STPG4: variants seen among roughly 807,000 people sequenced by gnomAD.
STPG4 encodes sperm-tail PG-rich repeat containing 4.
In STPG4, 41 loss-of-function variants were observed where a neutral mutation model predicts 31.5. The ratio of observed to expected loss-of-function variants is 1.30; its 90% CI spans 1.01 to 1.69. STPG4 has a LOEUF of 1.69. Among genes scored for constraint, STPG4 ranks in the 40% most tolerant of loss-of-function variants. The pLI, the probability that STPG4 is intolerant of heterozygous loss-of-function variation, is 0.00. For missense variants in STPG4, 375 were observed against 293.4 expected, an observed-to-expected ratio of 1.28 and a Z score of -2.03; for synonymous variants, 141 against 103.0, an observed-to-expected ratio of 1.37 and a Z score of -2.24.
intron 5 of STPG4, among the ~76,000 whole-genome samples, chr2:47,097,000 G>A (rs35791680): frequency 0.21 from 31,847 of 151,974 alleles, 3,376 homozygotes; most frequent in Middle Eastern, 0.24. Flanking sequence ...GAAGCTCCAG[G>A]GAAGAGGCAT....
At chr2:47,153,884 C>G (rs1327024587) in intron 1 of STPG4, among the ~76,000 whole-genome samples, 2 of 152,146 alleles carry the variant, frequency 1.3e-5, no homozygotes, top group African/African-American at 4.8e-5. Flanking sequence ...AGTTAAGAAG[C>G]TGATTATTTT....
chr2:47,151,918 TG>T (rs1342631673), intron 2 of STPG4, among the ~76,000 whole-genome samples: 60 of 38,010 alleles, frequency 1.6e-3, no homozygotes, highest in African/African-American at 4.6e-3. Flanking sequence ...TTTTTTGTTT[TG>T]TTTTTTTTTT....
chr2:47,100,022 C>T (rs1029591707), intron 5 of STPG4, among the ~76,000 whole-genome samples: 16 of 152,116 alleles, frequency 1.1e-4, no homozygotes, highest in African/African-American at 3.9e-4. Flanking sequence ...CCACCCCTTC[C>T]ATGGGCTCCT....
At chr2:47,112,347 T>G (rs1686055593) in intron 5 of STPG4, among the ~76,000 whole-genome samples, 1 of 152,050 alleles carries the variant, frequency 6.6e-6, no homozygotes. Context: ...TTGTTTTTTT[T>G]TTTAGTAGAG....
At chr2:47,114,200 A>G (rs1686097852) in intron 5 of STPG4, among the ~76,000 whole-genome samples, 1 of 149,880 alleles carries the variant, frequency 6.7e-6, no homozygotes. Context: ...GCAAGACCCC[A>G]TTTTCAAAAA....
intron 1 of STPG4, among the ~76,000 whole-genome samples, chr2:47,153,721 C>G (rs537849908): frequency 2.0e-5 from 3 of 152,008 alleles, no homozygotes; most frequent in African/African-American, 4.8e-5. Context: ...TGCAGTGGGC[C>G]GAGATCACAT....
chr2:47,151,409 G>T lies in STPG4; in HGVS notation c.248C>A (p.Pro83Gln), dbSNP rs1162600453. Residue 83 changes from proline (P) to glutamine (Q), a missense_variant, in exon 3 of 7, where the codon CCA (proline) becomes CAA (glutamine). By Grantham distance (76) the Pro-to-Gln change is moderately conservative. Transcript: ENST00000445927. ...TGGATTGTTTCTTTGCACAAGAGGT[G>T]GCTTTTTCCTTCCTTCGTTTTTAAA... Reference protein sequence around the residue: ...YNFKNEGRKKPPLVQRNNPVL... With the variant: ...YNFKNEGRKKQPLVQRNNPVL... The T allele has an allele frequency of 1.2e-6, 2 of 1,614,118 alleles. No individual in the cohort carries two copies. Among genetic ancestry groups the T allele is most frequent in the Admixed American group, 3.3e-5 (2 of 60,024 alleles).
chr2:47,110,093 T>C (rs149808525), intron 5 of STPG4, among the ~76,000 whole-genome samples: 1 of 152,326 alleles, frequency 6.6e-6, no homozygotes, highest in East Asian at 1.9e-4. Context: ...GTGTGTCTCA[T>C]TTTTTCACTA....
At chr2:47,102,944 G>T (rs1190452113) in intron 5 of STPG4, among the ~76,000 whole-genome samples, 1 of 151,898 alleles carries the variant, frequency 6.6e-6, no homozygotes, top group African/African-American at 2.4e-5. Context: ...TTGGAGAGAT[G>T]TCATGCTACT....
chr2:47,151,919 G>GTTTTTTT (rs71245620), intron 2 of STPG4, among the ~76,000 whole-genome samples: 1 of 74,810 alleles, frequency 1.3e-5, no homozygotes, highest in Non-Finnish European at 3.9e-5. Flanking sequence ...TTTTTGTTTT[G>GTTTTTTT]TTTTTTTTTT....
intron 2 of STPG4, among the ~76,000 whole-genome samples, chr2:47,152,056 C>T (rs578218783): frequency 6.6e-6 from 1 of 152,248 alleles, no homozygotes; most frequent in East Asian, 1.9e-4. Context: ...AGCCACCAGG[C>T]CCGGCCGAAA....
chr2:47,142,387 A>G (rs1333741180), intron 3 of STPG4, among the ~76,000 whole-genome samples: 1 of 152,150 alleles, frequency 6.6e-6, no homozygotes, highest in Non-Finnish European at 1.5e-5. Context: ...TGAAATTTCA[A>G]ATTTCAAATT....
intron 5 of STPG4, among the ~76,000 whole-genome samples, chr2:47,105,193 G>A (rs537599093): frequency 6.6e-6 from 1 of 152,054 alleles, no homozygotes; most frequent in East Asian, 1.9e-4. Flanking sequence ...GATAGCTCTT[G>A]GAGTCCTTAC....
At chr2:47,131,251 C>G (rs1427298049) in intron 3 of STPG4, among the ~76,000 whole-genome samples, 1 of 152,088 alleles carries the variant, frequency 6.6e-6, no homozygotes, top group African/African-American at 2.4e-5. Flanking sequence ...CTCAGTCTCC[C>G]AAATAGCTGG....
At position 47,153,006 on chromosome 2, in the gene STPG4, T is replaced by C. The variant is rs17036300; in HGVS notation, c.92A>G (p.Gln31Arg). Residue 31 changes from glutamine (Q) to arginine (R), a missense_variant, in exon 2 of 7, where the codon CAA becomes CGA. Physicochemically the swap from Gln to Arg is conservative, Grantham distance 43 (BLOSUM62 1). Coordinates refer to ENST00000445927, the MANE Select transcript of STPG4 (RefSeq NM_001163561.2). ...TTCTCTTTCAAAAGAGGAAGTCTTTTGGGCTGGTTTCTGTTAACAAACACA... is the reference window on the plus strand; with the variant it reads ...TTCTCTTTCAAAAGAGGAAGTCTTTCGGGCTGGTTTCTGTTAACAAACACA... ...ESFITASKPA[Q>R]KTSSFEREGW... 159,473 of 1,608,900 alleles carry C rather than the reference T, an allele frequency of 0.099. 10,555 individuals are homozygous for C. The highest frequency in any genetic ancestry group is 0.26 in the African/African-American group (19,310 of 74,822).
At chr2:47,146,466 C>A (rs1686822010) in intron 3 of STPG4, among the ~76,000 whole-genome samples, 1 of 151,758 alleles carries the variant, frequency 6.6e-6, no homozygotes, top group South Asian at 2.1e-4. Flanking sequence ...TGGCTCACTC[C>A]TGTAATCTCA....
intron 2 of STPG4, among the ~76,000 whole-genome samples, chr2:47,152,178 C>T (rs1325675992): frequency 6.9e-6 from 1 of 145,026 alleles, no homozygotes; most frequent in Non-Finnish European, 1.5e-5. Context: ...TAACTAGAAG[C>T]TATCCTACAT....
intron 5 of STPG4, among the ~76,000 whole-genome samples, chr2:47,106,837 A>C (rs1423533225): frequency 6.6e-6 from 1 of 151,798 alleles, no homozygotes. Context: ...TAAACTTCTT[A>C]TCAAATTTGT....
intron 3 of STPG4, among the ~76,000 whole-genome samples, chr2:47,150,470 G>T (rs1269990785): frequency 6.6e-6 from 1 of 151,832 alleles, no homozygotes; most frequent in South Asian, 2.1e-4. Flanking sequence ...AGTAGAAGCT[G>T]ACCCTCCTGG....
Sources: gnomAD v4.1 joint callset for allele counts (sites outside exome capture counted in the v4.1 genomes callset) on GRCh38, gnomAD v4.1.1 for gene constraint, MANE v1.5 for transcripts, NCBI Gene and HGNC (gene_info 2026-07-23, HGNC 2026-07-21) for gene names.